LPP: variants seen among roughly 807,000 people sequenced by gnomAD.
LPP encodes LIM domain containing preferred translocation partner in lipoma.
In LPP, 38 loss-of-function variants were observed where a neutral mutation model predicts 60.4. That is an observed-to-expected ratio of 0.63 (90% CI 0.49 to 0.83). LPP has a LOEUF of 0.83. LPP is among the 40% of genes least tolerant of loss of function. The probability of loss-of-function intolerance (pLI) is 0.00; values close to 1 mark genes in which losing one functional copy is unlikely to be tolerated. For missense variants in LPP, 902 were observed against 783.6 expected, an observed-to-expected ratio of 1.15 and a Z score of -1.80; for synonymous variants, 328 against 290.8, an observed-to-expected ratio of 1.13 and a Z score of -1.30.
intron 9 of LPP, among the ~76,000 whole-genome samples, chr3:188,771,605 G>C (rs1736070289): frequency 6.8e-6 from 1 of 147,538 alleles, no homozygotes; most frequent in African/African-American, 2.5e-5. Flanking sequence ...GAAAGAAAGA[G>C]GCACTTGAAT....
At chr3:188,722,420 T>C (rs1716797540) in intron 8 of LPP, among the ~76,000 whole-genome samples, 1 of 152,222 alleles carries the variant, frequency 6.6e-6, no homozygotes, top group Non-Finnish European at 1.5e-5. Flanking sequence ...TAAAAATGAA[T>C]AATTCATCTT....
intron 7 of LPP, among the ~76,000 whole-genome samples, chr3:188,692,343 A>C (rs1176553739): frequency 6.6e-6 from 1 of 152,192 alleles, no homozygotes; most frequent in Admixed American, 6.5e-5. Context: ...AAAAAGAACA[A>C]AGAGGGACAT....
At chr3:188,750,225 A>C (rs1727634091) in intron 8 of LPP, among the ~76,000 whole-genome samples, 1 of 152,196 alleles carries the variant, frequency 6.6e-6, no homozygotes. Flanking sequence ...ATAAAATCAC[A>C]ATATCTACTG....
At chr3:188,860,520 A>G (rs1764926732) in intron 9 of LPP, among the ~76,000 whole-genome samples, 1 of 152,080 alleles carries the variant, frequency 6.6e-6, no homozygotes, top group Admixed American at 6.6e-5. Flanking sequence ...AACTCTGGAC[A>G]CCTCTGGTCC....
intron 7 of LPP, among the ~76,000 whole-genome samples, chr3:188,679,436 C>A (rs1449922681): frequency 3.9e-5 from 6 of 151,986 alleles, no homozygotes; most frequent in African/African-American, 1.5e-4. Flanking sequence ...CCTTTTGCCA[C>A]TCCTGTGGAC....
chr3:188,458,048 C>T (rs989196336), intron 4 of LPP, among the ~76,000 whole-genome samples: 1 of 152,126 alleles, frequency 6.6e-6, no homozygotes, highest in Non-Finnish European at 1.5e-5. Context: ...AGTTCATTTC[C>T]TTAGGCAAAC....
chr3:188,301,117 C>T (rs1040047521), intron 2 of LPP, among the ~76,000 whole-genome samples: 1 of 152,124 alleles, frequency 6.6e-6, no homozygotes, highest in East Asian at 1.9e-4. Context: ...TCTATCCAGT[C>T]GTCCGTCTAA....
intron 2 of LPP, among the ~76,000 whole-genome samples, chr3:188,276,340 G>A (rs535354653): frequency 1.3e-5 from 2 of 152,312 alleles, no homozygotes; most frequent in South Asian, 2.1e-4. Flanking sequence ...CCCCAACTTC[G>A]TATTCCTTCT....
rs566762535 is a variant in LPP, at chr3:188,798,587, C to T, written c.1410+38305C>T. ...TTCATCCTGGTGGCTCTGCCCTGGA[C>T]ATACTGCAGTTCTTTTATGTACCTC... On this transcript the variant is annotated intron_variant, in intron 9 of 11. Transcript: ENST00000617246. Among the ~76,000 whole-genome samples, 4 of 152,340 alleles carry T rather than the reference C, an allele frequency of 2.6e-5. No individual in the cohort carries two copies. In the South Asian group the frequency reaches 8.3e-4, roughly 32 times the overall value.
intron 9 of LPP, among the ~76,000 whole-genome samples, chr3:188,805,758 T>C (rs1389391931): frequency 6.6e-6 from 1 of 151,888 alleles, no homozygotes; most frequent in Non-Finnish European, 1.5e-5. Context: ...TTAAGTTGCA[T>C]TCTACAAATT....
At chr3:188,803,301 A>T (rs1277375044) in intron 9 of LPP, among the ~76,000 whole-genome samples, 1 of 152,066 alleles carries the variant, frequency 6.6e-6, no homozygotes, top group Admixed American at 6.6e-5. Flanking sequence ...TGCCTTGGCT[A>T]GGATTACAGG....
intron 1 of LPP, among the ~76,000 whole-genome samples, chr3:188,205,810 G>T (rs1465238550): frequency 1.3e-5 from 2 of 152,160 alleles, no homozygotes; most frequent in Admixed American, 6.5e-5. Flanking sequence ...GAGACTCCAG[G>T]AGTCATCTTG....
At chr3:188,398,288 A>G (rs1781434514) in intron 3 of LPP, among the ~76,000 whole-genome samples, 2 of 152,338 alleles carry the variant, frequency 1.3e-5, no homozygotes, top group Middle Eastern at 3.4e-3. Flanking sequence ...TACAGATAGG[A>G]AGGGTCACTG....
chr3:188,250,732 T>TTCTC (rs1369119632), intron 2 of LPP, among the ~76,000 whole-genome samples: 3 of 54,468 alleles, frequency 5.5e-5, no homozygotes, highest in East Asian at 1.2e-3. Flanking sequence ...CTCTCTTTCT[T>TTCTC]TCTTTCTTTC....
intron 4 of LPP, among the ~76,000 whole-genome samples, chr3:188,475,056 C>T (rs1352844703): frequency 2.0e-5 from 3 of 152,166 alleles, no homozygotes; most frequent in African/African-American, 7.2e-5. Flanking sequence ...ATTTGTTATC[C>T]AACCACTGCA....
intron 7 of LPP, among the ~76,000 whole-genome samples, chr3:188,701,750 C>CA (rs1864446468): frequency 1.3e-5 from 2 of 148,420 alleles, no homozygotes; most frequent in Middle Eastern, 3.5e-3. Context: ...TATCTGGCTG[C>CA]GTTTTTTTTT....
intron 7 of LPP, among the ~76,000 whole-genome samples, chr3:188,703,055 T>C (rs1864801332): frequency 6.6e-6 from 1 of 152,200 alleles, no homozygotes; most frequent in Non-Finnish European, 1.5e-5. Flanking sequence ...GGATTACATG[T>C]CATACAGGGC....
intron 7 of LPP, among the ~76,000 whole-genome samples, chr3:188,629,493 C>A (rs1847465371): frequency 1.3e-5 from 2 of 151,854 alleles, no homozygotes; most frequent in Admixed American, 6.6e-5. Flanking sequence ...GAATAAGATA[C>A]CTAGGAATAC....
chr3:188,836,478 T>G (rs938555201), intron 9 of LPP, among the ~76,000 whole-genome samples: 1 of 152,240 alleles, frequency 6.6e-6, no homozygotes, highest in African/African-American at 2.4e-5. Flanking sequence ...TGTTTCTGTG[T>G]GAACAACTTG....
Sources: gnomAD v4.1 joint callset for allele counts (sites outside exome capture counted in the v4.1 genomes callset) on GRCh38, gnomAD v4.1.1 for gene constraint, MANE v1.5 for transcripts, NCBI Gene and HGNC (gene_info 2026-07-23, HGNC 2026-07-21) for gene names.